The following CTNNA2 variants were observed in gnomAD, a reference collection of about 807,000 sequenced individuals.
CTNNA2 encodes catenin alpha-2.
A neutral mutation model predicts 101.0 loss-of-function variants in CTNNA2; 42 were observed. The ratio of observed to expected loss-of-function variants is 0.42; its 90% confidence interval spans 0.32 to 0.54. CTNNA2 has a LOEUF of 0.54. Among genes scored for constraint, CTNNA2 ranks in the 20% least tolerant of loss-of-function variants. The pLI is 0.14. For missense variants in CTNNA2, 871 were observed against 1,223.1 expected, an observed-to-expected ratio of 0.71 and a Z score of 4.29; for synonymous variants, 450 against 456.4, an observed-to-expected ratio of 0.99 and a Z score of 0.18.
At chr2:80,121,325 TA>T (rs1209110656) in intron 7 of CTNNA2, among the ~76,000 whole-genome samples, 1 of 152,204 alleles carries the variant, frequency 6.6e-6, no homozygotes, top group Admixed American at 6.5e-5. Context: ...TTCAATTTAT[TA>T]ATATGTATAA....
intron 4 of CTNNA2, among the ~76,000 whole-genome samples, chr2:79,489,923 A>T (rs1270755931): frequency 6.6e-6 from 1 of 152,140 alleles, no homozygotes; most frequent in Non-Finnish European, 1.5e-5. Context: ...CTTGGCAGGG[A>T]ATACTCATGG....
At chr2:79,889,298 C>T (rs1684134481) in intron 6 of CTNNA2, among the ~76,000 whole-genome samples, 1 of 152,198 alleles carries the variant, frequency 6.6e-6, no homozygotes, top group African/African-American at 2.4e-5. Context: ...ATGGAAACTT[C>T]ACTATAACCT....
intron 7 of CTNNA2, among the ~76,000 whole-genome samples, chr2:80,032,768 G>C (rs1055351420): frequency 6.6e-6 from 1 of 152,070 alleles, no homozygotes; most frequent in Non-Finnish European, 1.5e-5. Context: ...AAAACTTTTT[G>C]TTTTATGTAT....
At chr2:80,405,055 T>G (rs1678936650) in intron 8 of CTNNA2, among the ~76,000 whole-genome samples, 1 of 152,170 alleles carries the variant, frequency 6.6e-6, no homozygotes, top group African/African-American at 2.4e-5. Context: ...TAAGAATGGT[T>G]AGGCTTAGGA....
intron 1 of CTNNA2, among the ~76,000 whole-genome samples, chr2:79,647,713 G>A (rs1558800608): frequency 6.6e-6 from 1 of 152,160 alleles, no homozygotes; most frequent in Non-Finnish European, 1.5e-5. Context: ...TGATACCATT[G>A]TGTTAGCTAT....
chr2:80,226,126 C>A (rs544079353), intron 7 of CTNNA2, among the ~76,000 whole-genome samples: 2 of 152,126 alleles, frequency 1.3e-5, no homozygotes, highest in African/African-American at 4.8e-5. Flanking sequence ...CTTATGATGG[C>A]CTTCCATGAC....
intron 18 of CTNNA2, among the ~76,000 whole-genome samples, chr2:80,623,048 TAAAAAA>T (rs367889797): frequency 1.8e-4 from 22 of 121,626 alleles, no homozygotes; most frequent in Admixed American, 8.7e-5. Context: ...CGCTAGTTTC[TAAAAAA>T]AAAAAAAAAA....
intron 4 of CTNNA2, among the ~76,000 whole-genome samples, chr2:79,488,927 T>A (rs1408984131): frequency 6.6e-6 from 1 of 152,198 alleles, no homozygotes; most frequent in Non-Finnish European, 1.5e-5. Flanking sequence ...ATGTCCAAAG[T>A]TGTCCACAAT....
At chr2:79,218,276 CT>C (rs1379186519) in intron 2 of CTNNA2, among the ~76,000 whole-genome samples, 1 of 150,402 alleles carries the variant, frequency 6.6e-6, no homozygotes. Flanking sequence ...TCTGAGCTTC[CT>C]TTCCTAAGCC....
chr2:79,407,638 C>A (rs1678354416), intron 4 of CTNNA2, among the ~76,000 whole-genome samples: 1 of 151,886 alleles, frequency 6.6e-6, no homozygotes, highest in Non-Finnish European at 1.5e-5. Flanking sequence ...CAGAATAGAC[C>A]TTCCTCAACT....
chr2:80,042,828 C>G (rs1696157841), intron 7 of CTNNA2, among the ~76,000 whole-genome samples: 1 of 152,128 alleles, frequency 6.6e-6, no homozygotes, highest in Non-Finnish European at 1.5e-5. Flanking sequence ...GACTCAAAAC[C>G]TTGTTTATAA....
intron 3 of CTNNA2, among the ~76,000 whole-genome samples, chr2:79,787,144 C>G (rs1158843343): frequency 6.6e-6 from 1 of 152,148 alleles, no homozygotes; most frequent in African/African-American, 2.4e-5. Context: ...ATGATCCTCG[C>G]TTCAAAATAA....
chr2:80,053,295 T>A (rs1339420243), intron 7 of CTNNA2, among the ~76,000 whole-genome samples: 1 of 152,122 alleles, frequency 6.6e-6, no homozygotes, highest in Non-Finnish European at 1.5e-5. Context: ...TTAGATATGT[T>A]CAAAAAGTGG....
intron 1 of CTNNA2, among the ~76,000 whole-genome samples, chr2:79,521,674 C>T (rs566052002): frequency 6.6e-5 from 10 of 152,254 alleles, no homozygotes; most frequent in African/African-American, 2.2e-4. Context: ...GGTAAGTAAG[C>T]AGCAGTGTTT....
intron 3 of CTNNA2, among the ~76,000 whole-genome samples, chr2:79,818,984 T>C (rs1441373963): frequency 4.0e-5 from 6 of 149,738 alleles, no homozygotes; most frequent in South Asian, 2.1e-4. Context: ...TTTTCTTTTT[T>C]TTTTTTTTTA....
chr2:79,827,125 GC>G (rs1678508105), intron 3 of CTNNA2, among the ~76,000 whole-genome samples: 1 of 151,872 alleles, frequency 6.6e-6, no homozygotes. Flanking sequence ...TGCAACCTCC[GC>G]CTCCCAGGTT....
chr2:79,771,640 C>T (rs1673588016), intron 3 of CTNNA2, among the ~76,000 whole-genome samples: 1 of 152,140 alleles, frequency 6.6e-6, no homozygotes, highest in Admixed American at 6.5e-5. Flanking sequence ...GGTCCACTCT[C>T]CTATGAGAAT....
intron 7 of CTNNA2, among the ~76,000 whole-genome samples, chr2:80,077,237 A>G (rs1358648862): frequency 6.6e-6 from 1 of 152,224 alleles, no homozygotes; most frequent in Non-Finnish European, 1.5e-5. Flanking sequence ...TTACCGTAGT[A>G]CCCAACAATA....
chr2:80,280,503 G>A (rs989834628), intron 7 of CTNNA2, among the ~76,000 whole-genome samples: 2 of 151,722 alleles, frequency 1.3e-5, no homozygotes, highest in Non-Finnish European at 2.9e-5. Context: ...CAGCTTATGG[G>A]TGGGATGGCT....
Sources: gnomAD v4.1 joint callset for allele counts (sites outside exome capture counted in the v4.1 genomes callset) on GRCh38, gnomAD v4.1.1 for gene constraint, MANE v1.5 for transcripts, NCBI Gene and HGNC (gene_info 2026-07-23, HGNC 2026-07-21) for gene names.